Variants in USP12 observed in about 807,000 individuals in gnomAD.
USP12 encodes the protein ubiquitin specific peptidase 12.
A neutral mutation model predicts 45.5 loss-of-function variants in USP12; 19 were observed. That is an observed-to-expected ratio of 0.42 (90% confidence interval 0.29 to 0.61). The LOEUF (loss-of-function observed/expected upper bound fraction) is 0.61, where lower values mean the gene tolerates loss of function less well. USP12 is among the 20% of genes least tolerant of loss of function. The pLI is 0.22. For synonymous variants in USP12, 149 were observed against 148.8 expected, an observed-to-expected ratio of 1.00 and a Z score of -0.01; for missense variants, 242 against 447.7, an observed-to-expected ratio of 0.54 and a Z score of 4.15.
intron 1 of USP12, among the ~76,000 whole-genome samples, chr13:27,154,663 A>G (rs1220314029): frequency 6.6e-6 from 1 of 152,194 alleles, no homozygotes; most frequent in East Asian, 1.9e-4. Context: ...ACGTGGACGC[A>G]TTGTGGTAGT....
At chr13:27,159,701 A>G (rs576279795) in intron 1 of USP12, among the ~76,000 whole-genome samples, 104 of 152,360 alleles carry the variant, frequency 6.8e-4, no homozygotes, top group South Asian at 1.5e-3. Flanking sequence ...AATGCCTAGC[A>G]ATAGCATCAC....
At chr13:27,087,282 T>C (rs74041144) in intron 6 of USP12, among the ~76,000 whole-genome samples, 9,389 of 147,774 alleles carry the variant, frequency 0.064, 352 homozygotes, top group African/African-American at 0.089. Context: ...TGTGTGTGTG[T>C]GCGCGCACGC....
intron 1 of USP12, among the ~76,000 whole-genome samples, chr13:27,160,052 G>A (rs1179889314): frequency 1.3e-5 from 2 of 152,180 alleles, no homozygotes; most frequent in Non-Finnish European, 2.9e-5. Context: ...AAAGGCAACT[G>A]TGCAGTCTTT....
intron 3 of USP12, among the ~76,000 whole-genome samples, chr13:27,098,696 G>GT (rs1434355624): frequency 1.3e-5 from 2 of 152,174 alleles, no homozygotes; most frequent in African/African-American, 4.8e-5. Context: ...TCGATGCCAG[G>GT]TAAGTATCTG....
At chr13:27,070,931 G>C (rs1272895696) in intron 8 of USP12, 140 bp downstream of exon 8, 2 of 665,106 alleles carry the variant, frequency 3.0e-6, no homozygotes, top group Non-Finnish European at 4.9e-6. Flanking sequence ...GTAAGAAGTA[G>C]GAATTAGACT....
intron 2 of USP12, among the ~76,000 whole-genome samples, chr13:27,115,583 C>G (rs1875691546): frequency 6.6e-6 from 1 of 152,142 alleles, no homozygotes; most frequent in African/African-American, 2.4e-5. Context: ...TAGTACAGTA[C>G]AACAGTATAA....
intron 3 of USP12, among the ~76,000 whole-genome samples, chr13:27,099,001 AG>A (rs990949624): frequency 3.9e-5 from 6 of 152,184 alleles, no homozygotes; most frequent in African/African-American, 1.4e-4. Flanking sequence ...TGTGAGTCTG[AG>A]GGGGGCAGAT....
At chr13:27,074,248 A>C (rs1321322448) in intron 7 of USP12, among the ~76,000 whole-genome samples, 1 of 151,990 alleles carries the variant, frequency 6.6e-6, no homozygotes, top group Non-Finnish European at 1.5e-5. Context: ...AAAATACAAA[A>C]AATTAGCCGG....
intron 1 of USP12, among the ~76,000 whole-genome samples, chr13:27,148,795 T>TACATACACACACACACAC (rs1877431442): frequency 7.1e-6 from 1 of 141,736 alleles, no homozygotes. Context: ...ATCATCTTAA[T>TACATACACACACACACAC]ACACACACAC....
At chr13:27,103,475 G>A (rs1292378067) in intron 3 of USP12, among the ~76,000 whole-genome samples, 9 of 151,676 alleles carry the variant, frequency 5.9e-5, no homozygotes, top group African/African-American at 2.2e-4. Context: ...CAAAACTTAT[G>A]AGAAGATGGG....
chr13:27,105,652 G>T, intron 3 of USP12, 79 bp downstream of exon 3: 2 of 1,332,952 alleles, frequency 1.5e-6, no homozygotes, highest in Non-Finnish European at 2.1e-6. Context: ...TACAGATGAT[G>T]CTCAGTAAGT....
chr13:27,097,983 ACT>A (rs1874674129), intron 3 of USP12, among the ~76,000 whole-genome samples: 1 of 87,632 alleles, frequency 1.1e-5, no homozygotes, highest in African/African-American at 3.7e-5. Context: ...TTTATATAGT[ACT>A]TTTTTTTTTT....
At chr13:27,105,681 T>C in intron 3 of USP12, 50 bp downstream of exon 3, 1 of 1,542,722 alleles carries the variant, frequency 6.5e-7, no homozygotes, top group Non-Finnish European at 8.9e-7. Context: ...TATGGCACAC[T>C]ATATTTAACC....
At chr13:27,122,499 A>G (rs1383000328) in intron 1 of USP12, among the ~76,000 whole-genome samples, 1 of 149,758 alleles carries the variant, frequency 6.7e-6, no homozygotes, top group East Asian at 2.0e-4. Flanking sequence ...GAAAATACAA[A>G]AAACTAGCCA....
rs772363934 is a variant in USP12, at chr13:27,116,483, C to T, written c.129+33G>A. Reference sequence around the variant, plus strand: ...CATCGTTTTTAAAACTGCTTCCGAACATGATTCTAAAAGCGTATCAATGGA... The same window carrying T: ...CATCGTTTTTAAAACTGCTTCCGAATATGATTCTAAAAGCGTATCAATGGA... On this transcript the variant is annotated intron_variant, in intron 2 of 8. Coordinates refer to ENST00000282344, the MANE Select transcript of USP12 (RefSeq NM_182488.4). The T allele has an allele frequency of 2.1e-5, 34 of 1,596,534 alleles. No homozygotes were observed. The South Asian group carries it at 3.9e-4, about 18-fold the overall frequency.
intron 1 of USP12, among the ~76,000 whole-genome samples, chr13:27,157,251 T>A (rs1180886658): frequency 6.6e-6 from 1 of 152,206 alleles, no homozygotes; most frequent in Non-Finnish European, 1.5e-5. Context: ...CCACTTCTGA[T>A]CCCTTTTTGC....
At chr13:27,153,503 C>T (rs983922935) in intron 1 of USP12, among the ~76,000 whole-genome samples, 3 of 152,078 alleles carry the variant, frequency 2.0e-5, no homozygotes, top group African/African-American at 7.2e-5. Flanking sequence ...ATGGGAATGA[C>T]AAGAGTGGAA....
intron 3 of USP12, among the ~76,000 whole-genome samples, chr13:27,099,998 C>A (rs1051056713): frequency 3.9e-5 from 6 of 152,162 alleles, no homozygotes; most frequent in Non-Finnish European, 8.8e-5. Context: ...ACTGGGACAC[C>A]ATTCCCCTCT....
intron 6 of USP12, 88 bp downstream of exon 6, chr13:27,089,795 A>G: frequency 1.5e-6 from 2 of 1,308,908 alleles, no homozygotes; most frequent in Non-Finnish European, 2.1e-6. Flanking sequence ...CTCAATGTAA[A>G]TTTTCCTAGA....
Sources: gnomAD v4.1 joint callset for allele counts (sites outside exome capture counted in the v4.1 genomes callset) on GRCh38, gnomAD v4.1.1 for gene constraint, MANE v1.5 for transcripts, NCBI Gene and HGNC (gene_info 2026-07-23, HGNC 2026-07-21) for gene names.